Variants in KAT6A observed in about 807,000 individuals in gnomAD.
KAT6A encodes the protein lysine acetyltransferase 6A.
KAT6A carries 9 observed loss-of-function variants against 198.4 expected under a neutral mutation model. That is an observed-to-expected ratio of 0.05 (90% CI 0.03 to 0.08). KAT6A has a LOEUF of 0.08. KAT6A is among the 10% of genes least tolerant of loss of function. The pLI is 1.00. For synonymous variants in KAT6A, 890 were observed against 883.0 expected, an observed-to-expected ratio of 1.01 and a Z score of -0.14; for missense variants, 2,077 against 2,509.9, an observed-to-expected ratio of 0.83 and a Z score of 3.69.
chr8:41,990,553 A>G (rs1161670471), intron 2 of KAT6A, among the ~76,000 whole-genome samples: 2 of 152,268 alleles, frequency 1.3e-5, no homozygotes, highest in African/African-American at 4.8e-5. Context: ...AGACTTCCAC[A>G]GGTACTTTCC....
At chr8:42,039,073 C>G (rs1469294349) in intron 2 of KAT6A, among the ~76,000 whole-genome samples, 2 of 152,210 alleles carry the variant, frequency 1.3e-5, no homozygotes, top group South Asian at 4.1e-4. Context: ...AAGGAAAAAA[C>G]CAGAAGGAAC....
chr8:41,957,499 G>A (rs975331103), intron 8 of KAT6A: 7 of 312,728 alleles, frequency 2.2e-5, no homozygotes, highest in South Asian at 5.3e-5. Context: ...GTACGTTTTC[G>A]CTAAACATGT....
At chr8:41,964,030 A>G (rs1231030309) in intron 8 of KAT6A, among the ~76,000 whole-genome samples, 1 of 152,196 alleles carries the variant, frequency 6.6e-6, no homozygotes, top group African/African-American at 2.4e-5. Context: ...GTTAACCACA[A>G]TAACTAAAAA....
chr8:42,040,735 C>CAAAAAAAAAAAA (rs59959496), intron 2 of KAT6A, among the ~76,000 whole-genome samples: 19 of 54,610 alleles, frequency 3.5e-4, no homozygotes, highest in Admixed American at 7.2e-4. Flanking sequence ...GACTCTGTCT[C>CAAAAAAAAAAAA]AAAAAAAAAA....
rs147444871 is a variant in KAT6A at position 41,977,513 on chromosome 8, T to C, written c.1044-186A>G. The C allele has an allele frequency of 1.6e-4, 77 of 485,542 alleles. 1 individual carries two copies. Among genetic ancestry groups the C allele is most frequent in the African/African-American group, 1.4e-3 (70 of 51,338 alleles). 30.1% of individuals were successfully genotyped at this position (485,542 alleles called of 1,614,324 possible). On this transcript the variant is annotated intron_variant, in intron 6 of 16. Transcript: ENST00000265713. Reference sequence around the variant, plus strand: ...TTAATATTATTATTAGAAACATCTATTGCCAGGAAGCCTACTTATAGTGCA... The same window carrying C: ...TTAATATTATTATTAGAAACATCTACTGCCAGGAAGCCTACTTATAGTGCA...
rs76099702 is a variant in KAT6A at position 41,973,803 on chromosome 8, T to C, written c.1482+901A>G. ...TATATAAGAACCAACTCCCTACATA[T>C]CCCTTTAAGGGATATGTACAACTCC... On this transcript the variant is annotated intron_variant, in intron 8 of 16. Transcript: ENST00000265713. 9.9e-3 allele frequency among the ~76,000 whole-genome samples: 1,502 copies of C among 152,076 alleles called. 6 individuals carry two copies. The highest frequency in any genetic ancestry group is 0.015 in the Non-Finnish European group (1,016 of 67,940).
intron 2 of KAT6A, among the ~76,000 whole-genome samples, chr8:42,030,324 G>A (rs183274015): frequency 1.3e-3 from 197 of 152,238 alleles, no homozygotes; most frequent in Admixed American, 3.4e-3. Flanking sequence ...ACTTTCTCCC[G>A]GCTCCAAGCC....
intron 8 of KAT6A, among the ~76,000 whole-genome samples, chr8:41,973,051 A>G (rs1174808177): frequency 1.3e-5 from 2 of 152,230 alleles, no homozygotes; most frequent in Non-Finnish European, 1.5e-5. Context: ...ATCAAAGCCA[A>G]TATTTTGTTA....
chr8:41,959,508 G>C (rs1313034058), intron 8 of KAT6A, among the ~76,000 whole-genome samples: 2 of 152,196 alleles, frequency 1.3e-5, no homozygotes, highest in African/African-American at 4.8e-5. Flanking sequence ...GCTGATTATA[G>C]ACCCCACAGA....
rs1821426904 is a variant in KAT6A, at chr8:41,929,632, G to A, written c.*2573C>T. On this transcript the variant is annotated 3_prime_UTR_variant, in exon 17 of 17. Transcript: ENST00000265713. ...GCGCGTGACATGGAGAGATACAAAG[G>A]CATCTAGGCACCCCTTCCCCTTAGC... The A allele has an allele frequency of 5.2e-6, 1 of 193,716 alleles. No homozygotes were observed. Among genetic ancestry groups the A allele is most frequent in the South Asian group, 1.9e-4 (1 of 5,206 alleles). 12.0% of individuals were successfully genotyped at this position (193,716 alleles called of 1,614,324 possible). A position where few individuals can be genotyped will look rare whatever the true frequency, so the allele number is the denominator to read the frequency against.
intron 8 of KAT6A, among the ~76,000 whole-genome samples, chr8:41,969,515 C>T (rs1322860238): frequency 1.3e-5 from 2 of 152,166 alleles, no homozygotes; most frequent in African/African-American, 2.4e-5. Context: ...ACTTCTCTCC[C>T]ATTTCTACCA....
intron 9 of KAT6A, among the ~76,000 whole-genome samples, chr8:41,950,921 T>C (rs1481219649): frequency 6.6e-6 from 1 of 152,080 alleles, no homozygotes; most frequent in Non-Finnish European, 1.5e-5. Context: ...TAATTACTTT[T>C]CTGGAAACAG....
At chr8:42,043,658 G>A (rs1300592553) in intron 2 of KAT6A, 2 of 152,156 alleles carry the variant, frequency 1.3e-5, no homozygotes, top group African/African-American at 4.8e-5. Context: ...TAACAATTAG[G>A]AAATGTGCTA....
chr8:41,979,246 C>T (rs112475224), intron 5 of KAT6A, among the ~76,000 whole-genome samples: 2,983 of 152,214 alleles, frequency 0.02, 88 homozygotes, highest in African/African-American at 0.067. Flanking sequence ...CCAGCCTGGG[C>T]GACAGAGTGA....
intron 16 of KAT6A, among the ~76,000 whole-genome samples, chr8:41,935,576 A>G (rs942543620): frequency 6.6e-6 from 1 of 152,240 alleles, no homozygotes. Flanking sequence ...ACTATGGTAA[A>G]CTATACGTAA....
intron 5 of KAT6A, among the ~76,000 whole-genome samples, chr8:41,979,803 C>T (rs190536506): frequency 6.3e-4 from 96 of 152,304 alleles, no homozygotes; most frequent in African/African-American, 2.2e-3. Context: ...GAGTTCAAGA[C>T]GAGCCTGGCC....
At chr8:42,041,265 A>C (rs902785283) in intron 2 of KAT6A, among the ~76,000 whole-genome samples, 2 of 151,632 alleles carry the variant, frequency 1.3e-5, no homozygotes, top group Non-Finnish European at 2.9e-5. Context: ...CATATCTCTG[A>C]GTTATTTTTA....
chr8:42,014,625 A>G (rs1826180785), intron 2 of KAT6A, among the ~76,000 whole-genome samples: 1 of 152,216 alleles, frequency 6.6e-6, no homozygotes, highest in African/African-American at 2.4e-5. Flanking sequence ...GCAATAAGAC[A>G]AGGACAGATC....
intron 7 of KAT6A, among the ~76,000 whole-genome samples, chr8:41,975,193 C>G (rs974653572): frequency 5.9e-5 from 9 of 151,988 alleles, no homozygotes; most frequent in African/African-American, 1.9e-4. Context: ...TTCAAAAAAA[C>G]CTCTTGAGTA....
Sources: gnomAD v4.1 joint callset for allele counts (sites outside exome capture counted in the v4.1 genomes callset) on GRCh38, gnomAD v4.1.1 for gene constraint, MANE v1.5 for transcripts, NCBI Gene and HGNC (gene_info 2026-07-23, HGNC 2026-07-21) for gene names.